LYSMD2: variants seen among roughly 807,000 people sequenced by gnomAD.
LYSMD2 encodes lysM and putative peptidoglycan-binding domain-containing protein 2.
A neutral mutation model predicts 17.7 loss-of-function variants in LYSMD2; 6 were observed. That is an observed-to-expected ratio of 0.34 (90% CI 0.19 to 0.67). LYSMD2 has a LOEUF of 0.67. LYSMD2 is among the 30% of genes least tolerant of loss of function. The probability of loss-of-function intolerance (pLI) is 0.69; values close to 1 mark genes in which losing one functional copy is unlikely to be tolerated. For synonymous variants in LYSMD2, 102 were observed against 129.8 expected (o/e 0.79, Z 1.45); for missense variants, 237 against 286.7 (o/e 0.83, Z 1.25).
upstream of LYSMD2, among the ~76,000 whole-genome samples, chr15:51,738,821 T>A (rs2055628978): frequency 6.6e-6 from 1 of 152,190 alleles, no homozygotes; most frequent in Non-Finnish European, 1.5e-5. Context: ...ACTCCTACAA[T>A]GGCTCTCTGG....
intron 1 of LYSMD2, among the ~76,000 whole-genome samples, chr15:51,731,848 A>C (rs1170880485): frequency 1.3e-5 from 2 of 152,174 alleles, no homozygotes; most frequent in Non-Finnish European, 2.9e-5. Flanking sequence ...CTGAAAAAGC[A>C]ATAGCTAAAT....
upstream of LYSMD2, chr15:51,737,937 C>G (rs921280203): frequency 4.4e-5 from 9 of 202,684 alleles, no homozygotes; most frequent in Admixed American, 1.8e-4. This position sits in a 1 kb window ranked among gnomAD's most constrained non-coding sequence, Gnocchi z 4.2. Context: ...AGCCCGCGGC[C>G]GTTGGGGCTA....
intron 1 of LYSMD2, among the ~76,000 whole-genome samples, chr15:51,735,624 C>T (rs771943162): frequency 1.1e-4 from 17 of 152,046 alleles, no homozygotes; most frequent in East Asian, 1.9e-4. Flanking sequence ...ATAAAAGCAA[C>T]GAAAAATCTG....
At chr15:51,725,178 T>G in intron 1 of LYSMD2, 57 bp from the exon 2 acceptor site, 1 of 1,094,812 alleles carries the variant, frequency 9.1e-7, no homozygotes, top group East Asian at 2.4e-5. Context: ...GGAGTAAGAT[T>G]TATTATACAA....
chr15:51,733,991 C>T (rs1227522131), intron 1 of LYSMD2, among the ~76,000 whole-genome samples: 1 of 152,032 alleles, frequency 6.6e-6, no homozygotes, highest in African/African-American at 2.4e-5. Flanking sequence ...AACACCAGCC[C>T]GGCCAACATA....
At chr15:51,727,649 G>A (rs2055548734) in intron 1 of LYSMD2, among the ~76,000 whole-genome samples, 1 of 152,224 alleles carries the variant, frequency 6.6e-6, no homozygotes, top group South Asian at 2.1e-4. Context: ...GACTAGACAA[G>A]GTGACAGACT....
upstream of LYSMD2, among the ~76,000 whole-genome samples, chr15:51,741,791 G>A (rs894103409): frequency 6.6e-6 from 1 of 151,984 alleles, no homozygotes; most frequent in Admixed American, 6.6e-5. Context: ...GTGGTGGCAG[G>A]TGCCTGTAAT....
intron 1 of LYSMD2, among the ~76,000 whole-genome samples, chr15:51,736,908 C>T (rs1381865567): frequency 2.6e-5 from 4 of 152,190 alleles, no homozygotes; most frequent in South Asian, 2.1e-4. Flanking sequence ...TGACTCATCA[C>T]GGAGCTTGTT....
rs10556304 is a variant in LYSMD2 at position 51,748,261 on chromosome 15, CAAAAAAAAAAAAAA to C, written c.-1+2996_-1+3009del. On this transcript the variant is annotated intron_variant, in intron 1 of 2. Coordinates refer to the LYSMD2 transcript ENST00000454181. ...CTGGTGACAGAACAAGACTCCGTCTCAAAAAAAAAAAAAAAAAAAAAAAAAAAGATGAAGAAAAT... is the reference window on the plus strand; with the variant it reads ...CTGGTGACAGAACAAGACTCCGTCTCAAAAAAAAAAAAAGATGAAGAAAAT... 6.1e-4 allele frequency among the ~76,000 whole-genome samples: 37 copies of C among 60,228 alleles called. 1 individual carries two copies. The East Asian group carries it at 8.0e-3, about 13-fold the overall frequency. 39.5% of individuals were successfully genotyped at this position (60,228 alleles called of 152,430 possible).
chr15:51,726,124 T>A (rs1411263172), intron 1 of LYSMD2, among the ~76,000 whole-genome samples: 1 of 152,228 alleles, frequency 6.6e-6, no homozygotes, highest in Non-Finnish European at 1.5e-5. Flanking sequence ...ATGTAAAGCT[T>A]TCTTTTTTCT....
In LYSMD2 at chr15:51,728,706, C is replaced by T. The variant is rs183482190; in HGVS notation, c.274-3585G>A. Among the ~76,000 whole-genome samples the T allele has an allele frequency of 4.5e-4, 68 of 150,412 alleles. 2 individuals are homozygous for T. The East Asian group carries it at 0.013, about 28-fold the overall frequency. On this transcript the variant is annotated intron_variant, in intron 1 of 2. Coordinates refer to ENST00000267838, the MANE Select transcript of LYSMD2 (RefSeq NM_153374.3). ...CCAACATGGTGAAACCCCATCTTTA[C>T]TAAAAATACAAAAATTAGCCAGGCA...
chr15:51,730,048 A>C (rs763473260), intron 1 of LYSMD2, among the ~76,000 whole-genome samples: 6 of 152,228 alleles, frequency 3.9e-5, no homozygotes, highest in Non-Finnish European at 7.3e-5. Context: ...AGTCTCCCTT[A>C]ACCTAGATTG....
intron 1 of LYSMD2, among the ~76,000 whole-genome samples, chr15:51,748,374 T>C (rs2055679613): frequency 1.3e-5 from 2 of 151,880 alleles, no homozygotes; most frequent in Admixed American, 1.3e-4. Context: ...AACTCTCTGA[T>C]GTTAAAACCC....
At chr15:51,726,306 TTAA>T (rs1567227005) in intron 1 of LYSMD2, among the ~76,000 whole-genome samples, 1 of 152,080 alleles carries the variant, frequency 6.6e-6, no homozygotes, top group East Asian at 1.9e-4. Context: ...TTTGAAAGGG[TTAA>T]TAACTTGGAC....
chr15:51,729,754 G>T (rs1038888254), intron 1 of LYSMD2, among the ~76,000 whole-genome samples: 1 of 152,194 alleles, frequency 6.6e-6, no homozygotes, highest in African/African-American at 2.4e-5. Context: ...CACCGCACCT[G>T]GCCTCCTTTG....
In LYSMD2 at chr15:51,737,494, G is replaced by T; in HGVS notation, c.129C>A (p.Ser43Arg). 1 of 1,343,078 alleles carries T rather than the reference G, an allele frequency of 7.4e-7. No individual in the cohort carries two copies. The highest frequency in any genetic ancestry group is 9.5e-7 in the Non-Finnish European group (1 of 1,047,716). 83.2% of individuals were successfully genotyped at this position (1,343,078 alleles called of 1,614,324 possible). A position where few individuals can be genotyped will look rare whatever the true frequency, so the allele number is the denominator to read the frequency against. The change falls in exon 1 of 3, where the codon AGC becomes AGA. Residue 43 changes from serine to arginine, a missense_variant. Transcript: ENST00000267838. The surrounding 1 kb of genome is among the most constrained non-coding windows in gnomAD (Gnocchi z 4.2). ...ACGAGCGGGTCTTGGTGCGGGCCAG[G>T]CTCAGCGACAGCTCGGCCTCCTCGG... ...SESEEAELSL[S>R]LARTKTRSYG...
chr15:51,728,052 C>T (rs375901339), intron 1 of LYSMD2, among the ~76,000 whole-genome samples: 47 of 152,292 alleles, frequency 3.1e-4, no homozygotes, highest in African/African-American at 9.6e-4. Flanking sequence ...CATTCCCTGT[C>T]GGTTTACTTA....
intron 1 of LYSMD2, among the ~76,000 whole-genome samples, chr15:51,747,695 A>C (rs1194985453): frequency 6.6e-6 from 1 of 152,116 alleles, no homozygotes; most frequent in Non-Finnish European, 1.5e-5. Context: ...CAATTTATTT[A>C]TTGAAGAATC....
chr15:51,736,364 C>T (rs2055608711), intron 1 of LYSMD2, among the ~76,000 whole-genome samples: 2 of 152,184 alleles, frequency 1.3e-5, no homozygotes, highest in East Asian at 1.9e-4. Flanking sequence ...AGAGTCAATA[C>T]ATGACTGCAC....
Sources: gnomAD v4.1 joint callset for allele counts (sites outside exome capture counted in the v4.1 genomes callset) on GRCh38, gnomAD v4.1.1 for gene constraint, Gnocchi (gnomAD v3.1) non-coding constraint, MANE v1.5 for transcripts, NCBI Gene and HGNC (gene_info 2026-07-23, HGNC 2026-07-21) for gene names.